The following TAF2 variants were observed in gnomAD, a reference collection of about 807,000 sequenced individuals.
TAF2 encodes transcription initiation factor TFIID subunit 2.
In TAF2, 61 loss-of-function variants were observed where a neutral mutation model predicts 138.5. The observed-to-expected ratio is 0.44, with a 90% CI of 0.36 to 0.54. TAF2 has a LOEUF of 0.54. Ranked by LOEUF, TAF2 falls within the 20% of genes least tolerant of loss-of-function variation. The pLI, the probability that TAF2 is intolerant of heterozygous loss-of-function variation, is 0.00. For missense variants in TAF2, 1,090 were observed against 1,427.9 expected (o/e 0.76, Z 3.81); for synonymous variants, 475 against 469.9 (o/e 1.01, Z -0.14).
At chr8:119,770,459 A>G (rs1469134137) in intron 18 of TAF2, among the ~76,000 whole-genome samples, 2 of 152,216 alleles carry the variant, frequency 1.3e-5, no homozygotes, top group East Asian at 3.9e-4. Flanking sequence ...TTTAAAGACA[A>G]AAATTGCCAG....
chr8:119,825,921 T>C (rs536475607), intron 2 of TAF2, among the ~76,000 whole-genome samples: 1 of 151,744 alleles, frequency 6.6e-6, no homozygotes, highest in East Asian at 1.9e-4. Context: ...CTCGATCTCC[T>C]GACCTCATGA....
At chr8:119,830,042 G>A (rs1826347996) in intron 2 of TAF2, among the ~76,000 whole-genome samples, 1 of 151,570 alleles carries the variant, frequency 6.6e-6, no homozygotes. Flanking sequence ...GGGACCACAG[G>A]CACCCACCAC....
chr8:119,778,256 C>A, intron 17 of TAF2, 127 bp from the exon 18 acceptor site: 1 of 601,622 alleles, frequency 1.7e-6, no homozygotes, highest in Non-Finnish European at 3.0e-6. Flanking sequence ...AGCCTAACAC[C>A]TCCACACCCC....
intron 18 of TAF2, among the ~76,000 whole-genome samples, chr8:119,766,057 T>G (rs1190567947): frequency 1.3e-5 from 2 of 152,236 alleles, no homozygotes; most frequent in Admixed American, 1.3e-4. Context: ...TCAAGTCTTA[T>G]GCTTGGTGAT....
rs539312177 is a variant in TAF2, at chr8:119,804,231, A to G, written c.419-212T>C. ...ATTGGTTTTCTACCTCCAATCAATT[A>G]TAACTATTGCTTGTATTATTTTCCC... On this transcript the variant is annotated intron_variant, in intron 4 of 25. Transcript: ENST00000378164. Among the ~76,000 whole-genome samples the G allele has an allele frequency of 8.5e-5, 13 of 152,326 alleles. No individual in the cohort carries two copies. The South Asian group carries it at 1.4e-3, about 17-fold the overall frequency.
intron 18 of TAF2, among the ~76,000 whole-genome samples, chr8:119,777,647 C>T (rs1437859287): frequency 1.3e-5 from 2 of 152,080 alleles, no homozygotes; most frequent in East Asian, 1.9e-4. Flanking sequence ...TAATCCCAAT[C>T]GAGAACTCTT....
At chr8:119,818,264 G>C (rs1007364173) in intron 3 of TAF2, among the ~76,000 whole-genome samples, 1 of 152,216 alleles carries the variant, frequency 6.6e-6, no homozygotes, top group Non-Finnish European at 1.5e-5. Flanking sequence ...TATTGATTGA[G>C]AACTGGCCTG....
In TAF2 at chr8:119,762,724, A is replaced by G. The variant is rs1586354295; in HGVS notation, c.2365-116T>C. 1.8e-5 allele frequency: 16 copies of G among 894,100 alleles called. No individual in the cohort carries two copies. In the East Asian group the frequency reaches 4.0e-4, roughly 23 times the overall value. 55.4% of individuals were successfully genotyped at this position (894,100 alleles called of 1,614,324 possible). ...AAAATAAAAATTTTCCCAAAACACA[A>G]GCAAGTCCTCTGGTAAACATTCAAC... is the stretch of plus-strand genomic sequence containing the variant. On this transcript the variant is annotated intron_variant, in intron 18 of 25. Coordinates refer to ENST00000378164, the MANE Select transcript of TAF2 (RefSeq NM_003184.4).
Position 119,733,624 on chromosome 8 carries a change from C to T in TAF2, c.3338-1438G>A, listed in dbSNP as rs561039181. On this transcript the variant is annotated intron_variant, in intron 25 of 25. Transcript: ENST00000378164. ...ACCCACAGGCCTATAATCCTTGGGC[C>T]ATACTCTGAGAAACAAATCTCTCTC... 3.3e-5 allele frequency among the ~76,000 whole-genome samples: 5 copies of T among 152,272 alleles called. No individual in the cohort carries two copies. In the East Asian group the frequency reaches 7.7e-4, roughly 23 times the overall value.
intron 18 of TAF2, among the ~76,000 whole-genome samples, chr8:119,769,207 C>T (rs1821656324): frequency 6.6e-6 from 1 of 152,156 alleles, no homozygotes; most frequent in Admixed American, 6.5e-5. Flanking sequence ...CTGCATTACC[C>T]AACACAAACC....
chr8:119,794,854 T>C (rs1244030326), intron 9 of TAF2, among the ~76,000 whole-genome samples: 1 of 152,146 alleles, frequency 6.6e-6, no homozygotes, highest in Non-Finnish European at 1.5e-5. Context: ...TGGATGATAA[T>C]AATATGTAAA....
intron 16 of TAF2, among the ~76,000 whole-genome samples, chr8:119,781,804 C>T (rs549717596): frequency 9.9e-4 from 151 of 152,192 alleles, no homozygotes; most frequent in African/African-American, 3.5e-3. Flanking sequence ...TCTCCTGCCT[C>T]AGCCTCCTGA....
At chr8:119,770,663 G>T (rs1305780101) in intron 18 of TAF2, among the ~76,000 whole-genome samples, 5 of 152,146 alleles carry the variant, frequency 3.3e-5, no homozygotes, top group Non-Finnish European at 7.3e-5. Context: ...AAAGCTCACA[G>T]ATCCTATAAT....
chr8:119,826,261 TAA>T (rs559420093), intron 2 of TAF2, among the ~76,000 whole-genome samples: 1 of 143,800 alleles, frequency 7.0e-6, no homozygotes, highest in Non-Finnish European at 1.5e-5. Context: ...AAAGTATAAT[TAA>T]AAAAAAAAAA....
intron 14 of TAF2, among the ~76,000 whole-genome samples, chr8:119,785,854 C>T (rs568777746): frequency 1.3e-5 from 2 of 152,224 alleles, no homozygotes; most frequent in Admixed American, 6.5e-5. Flanking sequence ...AAAGAATACT[C>T]CAAATGACAT....
intron 5 of TAF2, among the ~76,000 whole-genome samples, chr8:119,802,268 G>T (rs1245962254): frequency 1.3e-5 from 2 of 152,150 alleles, no homozygotes; most frequent in Admixed American, 1.3e-4. Context: ...ACCCTAAAAA[G>T]AGTTAAGCAA....
At chr8:119,751,485 C>G (rs1820349057) in intron 22 of TAF2, among the ~76,000 whole-genome samples, 1 of 152,180 alleles carries the variant, frequency 6.6e-6, no homozygotes, top group African/African-American at 2.4e-5. Flanking sequence ...TCAAGAGTTA[C>G]CTCAAATGCT....
chr8:119,743,474 T>C (rs765973780), intron 24 of TAF2, among the ~76,000 whole-genome samples: 2 of 152,148 alleles, frequency 1.3e-5, no homozygotes, highest in South Asian at 2.1e-4. Context: ...TGATATATAA[T>C]GTACATGTTA....
At chr8:119,830,750 G>A (rs567433051) in intron 2 of TAF2, among the ~76,000 whole-genome samples, 1 of 152,260 alleles carries the variant, frequency 6.6e-6, no homozygotes, top group South Asian at 2.1e-4. Flanking sequence ...AGGAAAACCA[G>A]CTCTCATTAA....
Sources: gnomAD v4.1 joint callset for allele counts (sites outside exome capture counted in the v4.1 genomes callset) on GRCh38, gnomAD v4.1.1 for gene constraint, MANE v1.5 for transcripts, NCBI Gene and HGNC (gene_info 2026-07-23, HGNC 2026-07-21) for gene names.